HDAC9: variants seen among roughly 807,000 people sequenced by gnomAD.
The protein encoded by HDAC9 is histone deacetylase 9, also known as MEF-2 interacting transcription repressor (MITR) protein.
Under a neutral mutation model 139.4 loss-of-function variants are expected in HDAC9, and 41 were observed. The ratio of observed to expected loss-of-function variants is 0.29; its 90% CI spans 0.23 to 0.38. The LOEUF is 0.38. Among genes scored for constraint, HDAC9 ranks in the 10% least tolerant of loss-of-function variants. HDAC9 has a pLI of 1.00. For missense variants in HDAC9, 1,147 were observed against 1,297.0 expected, an observed-to-expected ratio of 0.88 and a Z score of 1.78; for synonymous variants, 517 against 476.2, an observed-to-expected ratio of 1.09 and a Z score of -1.12.
At chr7:18,476,313 A>G (rs1005918883) in intron 1 of HDAC9, among the ~76,000 whole-genome samples, 2 of 152,194 alleles carry the variant, frequency 1.3e-5, no homozygotes, top group African/African-American at 4.8e-5. Context: ...TGACAAATGA[A>G]TACTCACAAT....
At chr7:18,553,804 G>C (rs935180063) in intron 2 of HDAC9, among the ~76,000 whole-genome samples, 2 of 152,300 alleles carry the variant, frequency 1.3e-5, no homozygotes, top group South Asian at 2.1e-4. Context: ...TTATGTTCTG[G>C]TAATGCCCCT....
intron 22 of HDAC9, among the ~76,000 whole-genome samples, chr7:18,887,181 A>C (rs916585538): frequency 2.6e-5 from 4 of 152,154 alleles, no homozygotes; most frequent in Non-Finnish European, 5.9e-5. Context: ...ATGGACTACT[A>C]CAGAGGTTTC....
chr7:18,944,789 A>C (rs967976985), intron 23 of HDAC9, among the ~76,000 whole-genome samples: 5 of 152,258 alleles, frequency 3.3e-5, no homozygotes, highest in Non-Finnish European at 7.4e-5. Flanking sequence ...CTTTATATCC[A>C]TGAAATCATA....
At chr7:18,237,561 C>T (rs1332417018) in intron 2 of HDAC9, among the ~76,000 whole-genome samples, 5 of 151,956 alleles carry the variant, frequency 3.3e-5, no homozygotes, top group African/African-American at 4.8e-5. Context: ...ACATGTTAGT[C>T]TAGGATTGAG....
intron 1 of HDAC9, among the ~76,000 whole-genome samples, chr7:18,345,584 A>C (rs967887750): frequency 1.3e-5 from 2 of 151,930 alleles, no homozygotes; most frequent in African/African-American, 4.8e-5. Flanking sequence ...AAAAAAAAAA[A>C]AAAACTACAA....
At chr7:18,448,855 A>G (rs943044304) in intron 1 of HDAC9, among the ~76,000 whole-genome samples, 5 of 152,164 alleles carry the variant, frequency 3.3e-5, no homozygotes, top group Non-Finnish European at 5.9e-5. Flanking sequence ...ATAGTTCAAG[A>G]AGACCAAACC....
chr7:18,540,103 C>CAAAAAAAAAAAAAA (rs34620445), intron 2 of HDAC9, among the ~76,000 whole-genome samples: 1 of 58,436 alleles, frequency 1.7e-5, no homozygotes, highest in African/African-American at 6.4e-5. Flanking sequence ...ACTAAAAATA[C>CAAAAAAAAAAAAAA]AAAAAAAAAA....
chr7:18,341,988 T>C (rs1488950401), intron 1 of HDAC9, among the ~76,000 whole-genome samples: 1 of 151,900 alleles, frequency 6.6e-6, no homozygotes, highest in Admixed American at 6.6e-5. Context: ...TTCAGTTTAC[T>C]GTACTCAGTG....
chr7:18,162,720 G>T, intron 2 of HDAC9: 1 of 172,820 alleles, frequency 5.8e-6, no homozygotes, highest in South Asian at 1.3e-4. Context: ...TATACTGTGG[G>T]GCTTTGGAAG....
intron 2 of HDAC9, among the ~76,000 whole-genome samples, chr7:18,281,965 A>G (rs1797134730): frequency 6.6e-6 from 1 of 152,218 alleles, no homozygotes; most frequent in Admixed American, 6.5e-5. Context: ...TGTTTGCCTG[A>G]AACTAAGTAC....
At chr7:18,817,994 G>A (rs1794697513) in intron 17 of HDAC9, among the ~76,000 whole-genome samples, 1 of 152,076 alleles carries the variant, frequency 6.6e-6, no homozygotes, top group Non-Finnish European at 1.5e-5. Context: ...ATAATGCATC[G>A]ATATGAATTT....
At chr7:18,460,645 G>A (rs927256716) in intron 1 of HDAC9, among the ~76,000 whole-genome samples, 6 of 151,982 alleles carry the variant, frequency 3.9e-5, no homozygotes, top group South Asian at 2.1e-4. Context: ...TTAGCGAGGC[G>A]TGGTGGCACA....
chr7:18,530,675 A>G (rs1454345655), intron 2 of HDAC9, among the ~76,000 whole-genome samples: 1 of 151,866 alleles, frequency 6.6e-6, no homozygotes, highest in Non-Finnish European at 1.5e-5. Flanking sequence ...TGCATTGTGA[A>G]CTCACCATCT....
intron 2 of HDAC9, among the ~76,000 whole-genome samples, chr7:18,554,305 C>T (rs539145876): frequency 7.5e-5 from 11 of 146,634 alleles, no homozygotes; most frequent in Non-Finnish European, 1.6e-4. Context: ...CCTCTGTGTA[C>T]ACCAACTGGT....
chr7:18,450,152 C>A (rs1051993698), intron 1 of HDAC9, among the ~76,000 whole-genome samples: 1 of 152,156 alleles, frequency 6.6e-6, no homozygotes, highest in East Asian at 1.9e-4. Flanking sequence ...TTCAATGTGT[C>A]TGTGGAATGA....
At chr7:18,404,326 G>A (rs953418075) in intron 1 of HDAC9, among the ~76,000 whole-genome samples, 15 of 152,006 alleles carry the variant, frequency 9.9e-5, no homozygotes, top group Non-Finnish European at 2.1e-4. Context: ...CAGGACAAAT[G>A]TAATGTTTTT....
In HDAC9 at chr7:18,180,640, A is replaced by T. The variant is rs73317837; in HGVS notation, c.25+18291A>T. Among the ~76,000 whole-genome samples, 13 of 152,254 alleles carry T rather than the reference A, an allele frequency of 8.5e-5. No homozygotes were observed. The East Asian group carries it at 1.4e-3, about 16-fold the overall frequency. ...CAAGAAATACCTGTTGGAAACCCCA[A>T]TCTGCCCTAACTAACTTTGGGCCTT... On this transcript the variant is annotated intron_variant, in intron 2 of 12. Coordinates refer to the HDAC9 transcript ENST00000417496.
intron 2 of HDAC9, among the ~76,000 whole-genome samples, chr7:18,283,299 A>G (rs1797223104): frequency 6.6e-6 from 1 of 152,174 alleles, no homozygotes; most frequent in African/African-American, 2.4e-5. Context: ...AGATCTTCTG[A>G]GAACTCACTC....
chr7:18,271,784 C>A (rs563665904), intron 2 of HDAC9, among the ~76,000 whole-genome samples: 1 of 152,250 alleles, frequency 6.6e-6, no homozygotes, highest in South Asian at 2.1e-4. Context: ...TCCTTTGATA[C>A]CTGCCTTCTG....
Sources: allele counts gnomAD v4.1 joint callset (sites outside exome capture counted in the v4.1 genomes callset), GRCh38; gene constraint gnomAD v4.1.1; transcripts MANE v1.5; gene names NCBI Gene and HGNC (gene_info 2026-07-23, HGNC 2026-07-21).